FMNL2: variants seen among roughly 807,000 people sequenced by gnomAD.
FMNL2 encodes the protein formin like 2.
FMNL2 carries 51 observed loss-of-function variants against 130.2 expected under a neutral mutation model. That is an observed-to-expected ratio of 0.39 (90% CI 0.31 to 0.49). The LOEUF (loss-of-function observed/expected upper bound fraction) is 0.49. Among genes scored for constraint, FMNL2 ranks in the 20% least tolerant of loss-of-function variants. The pLI, the probability that FMNL2 is intolerant of heterozygous loss-of-function variation, is 0.85. For synonymous variants in FMNL2, 465 were observed against 467.1 expected, an observed-to-expected ratio of 1.00 and a Z score of 0.06; for missense variants, 977 against 1,316.2, an observed-to-expected ratio of 0.74 and a Z score of 3.99.
At chr2:152,391,368 A>G (rs1022354414) in intron 1 of FMNL2, among the ~76,000 whole-genome samples, 2 of 152,246 alleles carry the variant, frequency 1.3e-5, no homozygotes, top group African/African-American at 2.4e-5. Context: ...TCAGAAGACA[A>G]TGGTGAAGGA....
chr2:152,446,044 A>G (rs2106150999), intron 1 of FMNL2, among the ~76,000 whole-genome samples: 1 of 152,270 alleles, frequency 6.6e-6, no homozygotes, highest in Admixed American at 6.5e-5. Flanking sequence ...TTTTCATTCC[A>G]GTTTTACTAA....
At chr2:152,566,127 G>T (rs1268816170) in intron 6 of FMNL2, among the ~76,000 whole-genome samples, 5 of 152,160 alleles carry the variant, frequency 3.3e-5, no homozygotes, top group African/African-American at 1.2e-4. Context: ...GTCCTTATCT[G>T]AATATTTACC....
intron 1 of FMNL2, among the ~76,000 whole-genome samples, chr2:152,441,495 C>G (rs1396293657): frequency 6.6e-6 from 1 of 151,886 alleles, no homozygotes. Flanking sequence ...ATAATCATGC[C>G]ACTGCACTCC....
intron 1 of FMNL2, among the ~76,000 whole-genome samples, chr2:152,364,261 GTTTT>G (rs869062341): frequency 0.011 from 277 of 24,466 alleles, 4 homozygotes; most frequent in African/African-American, 0.032. Context: ...AGGTTTGTGT[GTTTT>G]TTTTTTTTTT....
At chr2:152,605,044 G>C (rs558219630) in intron 9 of FMNL2, among the ~76,000 whole-genome samples, 2 of 152,098 alleles carry the variant, frequency 1.3e-5, no homozygotes, top group Admixed American at 1.3e-4. Context: ...ATAGTCTAGG[G>C]AGCTGGGCCT....
intron 1 of FMNL2, among the ~76,000 whole-genome samples, chr2:152,364,278 T>G (rs546667215): frequency 0.018 from 2,536 of 144,380 alleles, 70 homozygotes; most frequent in Non-Finnish European, 0.023. Context: ...TTTTTTTTTT[T>G]TTTTTTTTTT....
intron 2 of FMNL2, among the ~76,000 whole-genome samples, chr2:152,532,689 C>T (rs917707091): frequency 2.0e-5 from 3 of 150,614 alleles, no homozygotes; most frequent in African/African-American, 7.3e-5. Context: ...CTCATTGCAA[C>T]CTCCGTTTCC....
intron 7 of FMNL2, among the ~76,000 whole-genome samples, chr2:152,577,662 G>A (rs934122817): frequency 1.3e-5 from 2 of 152,166 alleles, no homozygotes; most frequent in Non-Finnish European, 1.5e-5. Context: ...ATATTTCAAG[G>A]AGAAGGGAGT....
At chr2:152,612,344 A>AC (rs918306667) in intron 11 of FMNL2, among the ~76,000 whole-genome samples, 1 of 152,030 alleles carries the variant, frequency 6.6e-6, no homozygotes, top group African/African-American at 2.4e-5. Flanking sequence ...ACATAGTGAG[A>AC]CCCCATCTAT....
chr2:152,549,656 T>C (rs897203167), intron 4 of FMNL2, among the ~76,000 whole-genome samples: 1 of 152,242 alleles, frequency 6.6e-6, no homozygotes, highest in Non-Finnish European at 1.5e-5. Flanking sequence ...AGGGAATCTA[T>C]GCACTAAGCA....
In FMNL2 at chr2:152,621,436, G is replaced by A. The variant is rs148020429; in HGVS notation, c.1837+1718G>A. Among the ~76,000 whole-genome samples the A allele has an allele frequency of 6.7e-4, 102 of 152,206 alleles. 1 individual carries two copies. In the Middle Eastern group the frequency reaches 0.01, roughly 15 times the overall value. On this transcript the variant is annotated intron_variant, in intron 15 of 25. Transcript: ENST00000288670. ...CACTACTTGATTTTAAAAATGTGTT[G>A]GCTCTGTCAATTGCCTCAATATTTT...
At chr2:152,420,534 CA>C (rs1353859117) in intron 1 of FMNL2, among the ~76,000 whole-genome samples, 2 of 152,140 alleles carry the variant, frequency 1.3e-5, no homozygotes, top group African/African-American at 4.8e-5. Context: ...GCTTATCTTA[CA>C]AGGCAGAAGT....
intron 9 of FMNL2, among the ~76,000 whole-genome samples, chr2:152,593,456 G>A (rs1697543560): frequency 1.3e-5 from 2 of 152,162 alleles, no homozygotes; most frequent in Admixed American, 1.3e-4. Flanking sequence ...AGAAAATACA[G>A]TAGAGGGGAG....
intron 25 of FMNL2, chr2:152,643,761 T>C: frequency 1.0e-6 from 1 of 985,470 alleles, no homozygotes; most frequent in Non-Finnish European, 1.2e-6. Flanking sequence ...GTTTGACAGC[T>C]GAATTCATAG....
At chr2:152,620,180 G>A (rs1302053936) in intron 15 of FMNL2, among the ~76,000 whole-genome samples, 2 of 151,804 alleles carry the variant, frequency 1.3e-5, no homozygotes, top group East Asian at 3.9e-4. Context: ...ATGTGTAATT[G>A]CCTGACGTAG....
At chr2:152,415,443 T>C (rs1233465343) in intron 1 of FMNL2, among the ~76,000 whole-genome samples, 1 of 152,212 alleles carries the variant, frequency 6.6e-6, no homozygotes, top group Non-Finnish European at 1.5e-5. Context: ...AGGGAGAAGG[T>C]GATCTATTGT....
At chr2:152,423,506 A>C (rs1417393417) in intron 1 of FMNL2, among the ~76,000 whole-genome samples, 1 of 152,180 alleles carries the variant, frequency 6.6e-6, no homozygotes, top group Non-Finnish European at 1.5e-5. Context: ...GGCATCAGGA[A>C]GAGTAAAAGC....
chr2:152,600,284 A>G (rs917390335), intron 9 of FMNL2, among the ~76,000 whole-genome samples: 2 of 152,220 alleles, frequency 1.3e-5, no homozygotes, highest in Non-Finnish European at 2.9e-5. Context: ...AAAAGAAAGT[A>G]TTGAGGCAGG....
Position 152,614,878 on chromosome 2 carries a change from C to T in FMNL2, c.1090C>T (p.Leu364Phe), listed in dbSNP as rs1580102766. The T allele has an allele frequency of 6.2e-7, 1 of 1,612,724 alleles. No homozygotes were observed. The highest frequency in any genetic ancestry group is 8.5e-7 in the Non-Finnish European group (1 of 1,179,576). ...DKLKHTESDK[L>F]QVQIQAYLDN... The stretch of plus-strand genomic sequence containing the variant: ...GCTGAAACACACTGAGAGTGACAAG[C>T]TTCAAGTCCAGATCCAGGCTTACCT... Residue 364 changes from leucine (L) to phenylalanine (F), a missense_variant, in exon 12 of 26, where the codon CTT becomes TTT. Physicochemically the swap from Leu to Phe is conservative, Grantham distance 22. Transcript: ENST00000288670.
Sources: allele counts gnomAD v4.1 joint callset (sites outside exome capture counted in the v4.1 genomes callset), GRCh38; gene constraint gnomAD v4.1.1; transcripts MANE v1.5; gene names NCBI Gene and HGNC (gene_info 2026-07-23, HGNC 2026-07-21).